GSTCD: variants seen among roughly 807,000 people sequenced by gnomAD.
The protein encoded by GSTCD is glutathione S-transferase C-terminal domain-containing protein.
In GSTCD, 44 loss-of-function variants were observed where a neutral mutation model predicts 68.3. That is an observed-to-expected ratio of 0.64 (90% CI 0.51 to 0.83). The LOEUF (loss-of-function observed/expected upper bound fraction) is 0.83. Among genes scored for constraint, GSTCD ranks in the 40% least tolerant of loss-of-function variants. GSTCD has a pLI of 0.00. For synonymous variants in GSTCD, 273 were observed against 255.2 expected, an observed-to-expected ratio of 1.07 and a Z score of -0.67; for missense variants, 739 against 735.9, an observed-to-expected ratio of 1.00 and a Z score of -0.05.
intron 5 of GSTCD, among the ~76,000 whole-genome samples, chr4:105,736,163 A>T (rs1261748506): frequency 1.3e-5 from 2 of 152,050 alleles, no homozygotes; most frequent in Non-Finnish European, 2.9e-5. Flanking sequence ...GTTAATAGTT[A>T]TTTTATATTT....
intron 5 of GSTCD, among the ~76,000 whole-genome samples, chr4:105,751,037 T>C (rs1454767369): frequency 6.6e-6 from 1 of 152,206 alleles, no homozygotes; most frequent in Non-Finnish European, 1.5e-5. Context: ...CACAACTTTA[T>C]ACATGGAATC....
At chr4:105,811,119 C>T (rs781752117) in intron 5 of GSTCD, among the ~76,000 whole-genome samples, 5 of 152,116 alleles carry the variant, frequency 3.3e-5, no homozygotes, top group Non-Finnish European at 7.3e-5. Context: ...CTGGATTAAA[C>T]ACTTTCTGTA....
At chr4:105,714,945 A>G (rs181318118) in intron 1 of GSTCD, among the ~76,000 whole-genome samples, 101 of 152,350 alleles carry the variant, frequency 6.6e-4, no homozygotes, top group Admixed American at 1.3e-3. Context: ...ATATTTCTAC[A>G]TATCTTAAAA....
intron 5 of GSTCD, among the ~76,000 whole-genome samples, chr4:105,816,776 A>G (rs2149270528): frequency 6.6e-6 from 1 of 152,172 alleles, no homozygotes; most frequent in South Asian, 2.1e-4. Context: ...TCATATTGAA[A>G]AGAAGACTGA....
At position 105,842,333 on chromosome 4, in the gene GSTCD, C is replaced by CT. The variant is rs760400952; in HGVS notation, c.1765+202dup. Reference sequence around the variant, plus strand: ...TAACATTTTATCCTATTTTGGTTAACTTTAATACTTTTAAATGTATTTTGA... The same window carrying CT: ...TAACATTTTATCCTATTTTGGTTAACTTTTAATACTTTTAAATGTATTTTGA... On this transcript the variant is annotated intron_variant, in intron 11 of 11. Transcript: ENST00000515279. 4.5e-4 allele frequency among the ~76,000 whole-genome samples: 69 copies of CT among 152,122 alleles called. 1 individual carries two copies. The highest frequency in any genetic ancestry group is 3.2e-3 in the Middle Eastern group (1 of 314).
chr4:105,833,603 G>A (rs1560853600), intron 8 of GSTCD, among the ~76,000 whole-genome samples: 1 of 152,042 alleles, frequency 6.6e-6, no homozygotes, highest in East Asian at 1.9e-4. Flanking sequence ...GATGTGAGGG[G>A]TTTTTTTGGT....
Position 105,837,865 on chromosome 4 carries a change from A to G in GSTCD, c.1671A>G (p.Gln557=), listed in dbSNP as rs1258811188. 9.1e-7 allele frequency: 1 copy of G among 1,093,116 alleles called. No homozygotes were observed. The highest frequency in any genetic ancestry group is 1.3e-6 in the Non-Finnish European group (1 of 748,572). 67.7% of individuals were successfully genotyped at this position (1,093,116 alleles called of 1,614,324 possible). ...CCTTTTTTTTCTATTTCAGTGAACAATTCAAGAAAACTTTATCATACAAGG... is the reference window on the plus strand; with the variant it reads ...CCTTTTTTTTCTATTTCAGTGAACAGTTCAAGAAAACTTTATCATACAAGG... ...TSKFNFPKSE[Q]FKKTLSYKEH... is the part of the protein sequence containing the mutation. The change falls in exon 10 of 12, where the codon CAA becomes CAG. Residue 557 remains glutamine, a synonymous_variant. Transcript: ENST00000515279.
At chr4:105,730,562 A>C (rs1379027023) in intron 5 of GSTCD, among the ~76,000 whole-genome samples, 2 of 152,106 alleles carry the variant, frequency 1.3e-5, no homozygotes, top group African/African-American at 4.8e-5. Flanking sequence ...GTCTGTTCAT[A>C]TCCTTCGCCC....
At chr4:105,770,761 C>G (rs1299075732) in intron 5 of GSTCD, among the ~76,000 whole-genome samples, 1 of 152,040 alleles carries the variant, frequency 6.6e-6, no homozygotes, top group African/African-American at 2.4e-5. Context: ...TTTTCTTTAT[C>G]CAGTCTATCA....
intron 5 of GSTCD, among the ~76,000 whole-genome samples, chr4:105,766,067 G>C (rs766408971): frequency 3.9e-5 from 6 of 152,282 alleles, no homozygotes; most frequent in Middle Eastern, 3.4e-3. Context: ...TCAGAAAATA[G>C]GAACCATTCT....
rs182685993 is a variant in GSTCD at position 105,815,980 on chromosome 4, T to C, written c.1241-6974T>C. Among the ~76,000 whole-genome samples the C allele has an allele frequency of 4.2e-3, 642 of 152,262 alleles. 7 individuals are homozygous for C. Among genetic ancestry groups the C allele is most frequent in the African/African-American group, 0.015 (605 of 41,574 alleles). On this transcript the variant is annotated intron_variant, in intron 5 of 11. Coordinates refer to ENST00000515279, the MANE Select transcript of GSTCD (RefSeq NM_001370181.1). The stretch of plus-strand genomic sequence containing the variant: ...ATATATGTGTTCAATTAACTGTGGA[T>C]TCTGGTATTCGGAAATTAAATTTTT...
chr4:105,777,011 T>C (rs1400333949), intron 5 of GSTCD, among the ~76,000 whole-genome samples: 1 of 152,196 alleles, frequency 6.6e-6, no homozygotes, highest in Non-Finnish European at 1.5e-5. Flanking sequence ...GGATTAATCT[T>C]CATAATATAG....
intron 10 of GSTCD, among the ~76,000 whole-genome samples, chr4:105,840,011 A>G (rs1046082513): frequency 6.6e-6 from 1 of 152,224 alleles, no homozygotes; most frequent in African/African-American, 2.4e-5. Context: ...GTGCCAAAGT[A>G]TCTTGAGACT....
At chr4:105,790,643 C>T (rs1297192834) in intron 5 of GSTCD, among the ~76,000 whole-genome samples, 3 of 151,668 alleles carry the variant, frequency 2.0e-5, no homozygotes, top group Admixed American at 6.6e-5. Context: ...CCTGTCTTCC[C>T]ACAAAAAAGA....
chr4:105,717,641 G>C lies in GSTCD; in HGVS notation c.28G>C (p.Glu10Gln). Residue 10 changes from glutamate (E) to glutamine (Q), a missense_variant, in exon 2 of 12, where the codon GAA (glutamate) becomes CAA (glutamine). Glu to Gln is a conservative substitution (Grantham distance 29, BLOSUM62 2). Coordinates refer to ENST00000515279, the MANE Select transcript of GSTCD (RefSeq NM_001370181.1). ...GAAAGCCATAAAGAAAAGTCTTACA[G>C]AAGAAGAATACCTGTACCTGGACTT... MKAIKKSLT[E>Q]EEYLYLDFSH... The C allele has an allele frequency of 6.3e-7, 1 of 1,579,454 alleles. No individual in the cohort carries two copies. Among genetic ancestry groups the C allele is most frequent in the South Asian group, 1.2e-5 (1 of 83,854 alleles).
At chr4:105,728,751 T>C (rs1726246803) in intron 4 of GSTCD, among the ~76,000 whole-genome samples, 1 of 152,044 alleles carries the variant, frequency 6.6e-6, no homozygotes, top group South Asian at 2.1e-4. Flanking sequence ...AAGGGGTCTG[T>C]GAATCCATGT....
At chr4:105,775,024 T>C (rs533289669) in intron 5 of GSTCD, among the ~76,000 whole-genome samples, 1 of 152,272 alleles carries the variant, frequency 6.6e-6, no homozygotes, top group South Asian at 2.1e-4. Flanking sequence ...TTTTACATAG[T>C]CCCATATTTC....
At chr4:105,721,850 T>G (rs1271650168) in intron 3 of GSTCD, among the ~76,000 whole-genome samples, 1 of 152,110 alleles carries the variant, frequency 6.6e-6, no homozygotes, top group East Asian at 1.9e-4. Context: ...AAGGAATAAA[T>G]TAATATGTAC....
intron 5 of GSTCD, chr4:105,760,946 C>G: frequency 3.1e-6 from 1 of 326,908 alleles, no homozygotes; most frequent in Non-Finnish European, 5.8e-6. Context: ...TCTCAGAACT[C>G]CTGGACAAAG....
Sources: gnomAD v4.1 joint callset for allele counts (sites outside exome capture counted in the v4.1 genomes callset) on GRCh38, gnomAD v4.1.1 for gene constraint, MANE v1.5 for transcripts, NCBI Gene and HGNC (gene_info 2026-07-23, HGNC 2026-07-21) for gene names.